Variants in CRIM1 observed in about 807,000 individuals in gnomAD.
The protein encoded by CRIM1 is cysteine-rich motor neuron 1 protein.
Under a neutral mutation model 116.4 loss-of-function variants are expected in CRIM1, and 32 were observed. The ratio of observed to expected loss-of-function variants is 0.27; its 90% CI spans 0.21 to 0.37. The LOEUF (loss-of-function observed/expected upper bound fraction) is 0.37, where lower values mean the gene tolerates loss of function less well. Among genes scored for constraint, CRIM1 ranks in the 10% least tolerant of loss-of-function variants. CRIM1 has a pLI of 1.00. For synonymous variants in CRIM1, 590 were observed against 509.2 expected (o/e 1.16, Z -2.13); for missense variants, 1,331 against 1,354.8 (o/e 0.98, Z 0.28).
chr2:36,478,838 C>CT (rs3836078), intron 6 of CRIM1, among the ~76,000 whole-genome samples: 55 of 149,104 alleles, frequency 3.7e-4, no homozygotes, highest in Middle Eastern at 3.5e-3. Context: ...ACCTCAGAAA[C>CT]TTTTTTTTTT....
At chr2:36,407,730 C>T (rs905352401) in intron 2 of CRIM1, among the ~76,000 whole-genome samples, 1 of 149,602 alleles carries the variant, frequency 6.7e-6, no homozygotes, top group African/African-American at 2.5e-5. Flanking sequence ...AAGGAAGTCA[C>T]GATTAAATAT....
chr2:36,428,339 T>C (rs1361311263), intron 2 of CRIM1, among the ~76,000 whole-genome samples: 2 of 152,248 alleles, frequency 1.3e-5, no homozygotes, highest in African/African-American at 4.8e-5. Context: ...TTCTTCTCCT[T>C]TGACAAGTAA....
intron 1 of CRIM1, among the ~76,000 whole-genome samples, chr2:36,390,383 G>T (rs1671481089): frequency 6.6e-6 from 1 of 152,184 alleles, no homozygotes; most frequent in Non-Finnish European, 1.5e-5. Flanking sequence ...ACTGGCCCAG[G>T]TGAGCTGTCC....
chr2:36,444,975 C>T (rs1421297322), intron 4 of CRIM1, among the ~76,000 whole-genome samples: 1 of 152,186 alleles, frequency 6.6e-6, no homozygotes, highest in Non-Finnish European at 1.5e-5. Flanking sequence ...TTTATCATAG[C>T]ACTTTTCATA....
intron 6 of CRIM1, 83 bp from the exon 7 acceptor site, chr2:36,479,414 C>A: frequency 7.2e-7 from 1 of 1,392,498 alleles, no homozygotes; most frequent in Non-Finnish European, 1.0e-6. Flanking sequence ...GACTAGAACC[C>A]AGGGAAAAAA....
intron 1 of CRIM1, among the ~76,000 whole-genome samples, chr2:36,366,908 C>T (rs1383658620): frequency 6.6e-6 from 1 of 152,170 alleles, no homozygotes; most frequent in Non-Finnish European, 1.5e-5. Context: ...CCACTTCAGG[C>T]CTTATGGTGT....
chr2:36,491,186 A>T (rs1049366795), intron 7 of CRIM1, among the ~76,000 whole-genome samples: 2 of 152,190 alleles, frequency 1.3e-5, no homozygotes, highest in African/African-American at 4.8e-5. Flanking sequence ...TACATTAAGA[A>T]TTTTATAGGA....
chr2:36,359,747 G>T (rs1053399604), intron 1 of CRIM1, among the ~76,000 whole-genome samples: 2 of 152,152 alleles, frequency 1.3e-5, no homozygotes, highest in Non-Finnish European at 1.5e-5. Context: ...TTGTGGTGGG[G>T]GCTGGGGGTG....
At chr2:36,406,795 C>T (rs1207579024) in intron 2 of CRIM1, among the ~76,000 whole-genome samples, 1 of 152,198 alleles carries the variant, frequency 6.6e-6, no homozygotes, top group African/African-American at 2.4e-5. Flanking sequence ...ACTTACTCAT[C>T]ATAGATTCTA....
rs369745838 is a variant in CRIM1, at chr2:36,544,818, G to T, written c.2746+320G>T. 3.3e-5 allele frequency among the ~76,000 whole-genome samples: 5 copies of T among 152,144 alleles called. No individual in the cohort carries two copies. In the South Asian group the frequency reaches 6.2e-4, roughly 19 times the overall value. Reference sequence around the variant, plus strand: ...GGAACTTCTAAGCCATCTCTCAAACGTATGTATATATAAACTTTGTAAGGA... The same window carrying T: ...GGAACTTCTAAGCCATCTCTCAAACTTATGTATATATAAACTTTGTAAGGA... On this transcript the variant is annotated intron_variant, in intron 15 of 16. Coordinates refer to ENST00000280527, the MANE Select transcript of CRIM1 (RefSeq NM_016441.3).
chr2:36,363,325 C>T (rs1669355277), intron 1 of CRIM1, among the ~76,000 whole-genome samples: 2 of 152,008 alleles, frequency 1.3e-5, no homozygotes, highest in Non-Finnish European at 2.9e-5. Context: ...TCAGTGCATC[C>T]CTAATGAGCA....
rs143621444 is a variant in CRIM1 at position 36,461,292 on chromosome 2, G to A, written c.870-3242G>A. Among the ~76,000 whole-genome samples the A allele has an allele frequency of 8.1e-3, 1,231 of 152,322 alleles. 3 individuals are homozygous for A. The highest frequency in any genetic ancestry group is 0.014 in the Middle Eastern group (4 of 294). On this transcript the variant is annotated intron_variant, in intron 4 of 16. Coordinates refer to ENST00000280527, the MANE Select transcript of CRIM1 (RefSeq NM_016441.3). ...CTCACTGCAGCTTTTCTCATGAAAT[G>A]CTGTTTGCTCTGCCCCTTTTGTGTT...
chr2:36,356,193 T>G lies in CRIM1; in HGVS notation c.-100T>G, dbSNP rs1014658851. ...GAGAGGGGCGGTGAGGACCGCGGGC[T>G]GCTGGTGCGGCGGCGGCGGCGCGTG... On this transcript the variant is annotated 5_prime_UTR_variant, in exon 1 of 17. Transcript: ENST00000280527. This position sits in a 1 kb window ranked among gnomAD's most constrained non-coding sequence, Gnocchi z 4.3. The G allele has an allele frequency of 7.0e-6, 3 of 427,510 alleles. No individual in the cohort carries two copies. Among genetic ancestry groups the G allele is most frequent in the Admixed American group, 1.1e-4 (2 of 18,204 alleles). The allele number at this position is 427,510 out of a possible 1,614,324, so 26.5% of individuals were successfully genotyped here.
In CRIM1 at chr2:36,550,055, G is replaced by GAGAGTATGTA. The variant is rs1256022887; in HGVS notation, c.*1354_*1355insAGAGTATGTA. On this transcript the variant is annotated 3_prime_UTR_variant, in exon 17 of 17. Coordinates refer to ENST00000280527, the MANE Select transcript of CRIM1 (RefSeq NM_016441.3). ...TGAGAGTATGTATGTGTGTGTGTGT[G>GAGAGTATGTA]TGTGTGTGTGTGCGCGCGCACGCAC... The GAGAGTATGTA allele has an allele frequency of 6.7e-6, 1 of 149,040 alleles. No individual in the cohort carries two copies. The highest frequency in any genetic ancestry group is 1.5e-5 in the Non-Finnish European group (1 of 66,982). The allele number at this position is 149,040 out of a possible 1,614,324, so 9.2% of individuals were successfully genotyped here.
rs181652510 is a variant in CRIM1 at position 36,548,740 on chromosome 2, C to T, written c.*39C>T. On this transcript the variant is annotated 3_prime_UTR_variant, in exon 17 of 17. Coordinates refer to ENST00000280527, the MANE Select transcript of CRIM1 (RefSeq NM_016441.3). Reference sequence around the variant, plus strand: ...GGATGAGGTTTCAAAAGACGGAAGACGACTAAATCTGCTCTAAAAAGTAAA... The same window carrying T: ...GGATGAGGTTTCAAAAGACGGAAGATGACTAAATCTGCTCTAAAAAGTAAA... 3,456 of 1,501,644 alleles carry T rather than the reference C, an allele frequency of 2.3e-3. 11 individuals are homozygous for T. Among genetic ancestry groups the T allele is most frequent in the Admixed American group, 0.013 (588 of 44,618 alleles). The allele number at this position is 1,501,644 out of a possible 1,614,324, so 93.0% of individuals were successfully genotyped here.
chr2:36,366,088 T>G (rs1201765991), intron 1 of CRIM1, among the ~76,000 whole-genome samples: 1 of 152,246 alleles, frequency 6.6e-6, no homozygotes, highest in Non-Finnish European at 1.5e-5. Context: ...ATCATTTTTA[T>G]CCAGTAAATA....
At chr2:36,540,213 T>G (rs1449089671) in intron 14 of CRIM1, among the ~76,000 whole-genome samples, 3 of 152,148 alleles carry the variant, frequency 2.0e-5, no homozygotes, top group Non-Finnish European at 2.9e-5. Context: ...ACTTGTGCAC[T>G]TAGCACTGCT....
chr2:36,363,684 A>G (rs1669398867), intron 1 of CRIM1, among the ~76,000 whole-genome samples: 1 of 109,816 alleles, frequency 9.1e-6, no homozygotes, highest in Non-Finnish European at 1.8e-5. Flanking sequence ...AATTAAAAAT[A>G]CTTAATTTGG....
intron 13 of CRIM1, chr2:36,532,168 T>C (rs1392964577): frequency 2.8e-6 from 1 of 355,828 alleles, no homozygotes; most frequent in Non-Finnish European, 5.6e-6. Flanking sequence ...AAATTGGCCC[T>C]GGACGCCATC....
Sources: allele counts gnomAD v4.1 joint callset (sites outside exome capture counted in the v4.1 genomes callset), GRCh38; gene constraint gnomAD v4.1.1; non-coding constraint Gnocchi (gnomAD v3.1); transcripts MANE v1.5; gene names NCBI Gene and HGNC (gene_info 2026-07-23, HGNC 2026-07-21).